ZNF337: variants seen among roughly 807,000 people sequenced by gnomAD.
ZNF337 encodes zinc finger protein 337.
In ZNF337, 8 loss-of-function variants were observed where a neutral mutation model predicts 12.1. That is an observed-to-expected ratio of 0.66 (90% CI 0.39 to 1.19). The LOEUF (loss-of-function observed/expected upper bound fraction) is 1.19, where lower values mean the gene tolerates loss of function less well. ZNF337 is among the 50% of genes most tolerant of loss of function. The pLI is 0.01. For synonymous variants in ZNF337, 336 were observed against 320.0 expected (o/e 1.05, Z -0.53); for missense variants, 882 against 896.6 (o/e 0.98, Z 0.21).
chr20:25,675,771 T>TG lies in ZNF337; in HGVS notation c.1516dup (p.His506ProfsTer8). ...TTTCTCACCCAAGTGTGCCCTCAGG[T>TG]GCTTGTTATAGGAGGACTTATCCCG... On this transcript the variant is annotated frameshift_variant, in exon 5 of 5. Transcript: ENST00000252979. LOFTEE classifies it low-confidence loss of function (END_TRUNC). The TG allele has an allele frequency of 1.9e-6, 3 of 1,614,062 alleles. No homozygotes were observed. Among genetic ancestry groups the TG allele is most frequent in the Non-Finnish European group, 2.5e-6 (3 of 1,180,010 alleles).
chr20:25,693,751 G>A (rs2065899269), intron 1 of ZNF337, among the ~76,000 whole-genome samples: 1 of 152,136 alleles, frequency 6.6e-6, no homozygotes. Context: ...CATGGTTTAG[G>A]GCAGAGAAGG....
intron 1 of ZNF337, among the ~76,000 whole-genome samples, chr20:25,690,054 T>G (rs981028171): frequency 1.3e-5 from 2 of 152,160 alleles, no homozygotes; most frequent in Admixed American, 6.5e-5. Flanking sequence ...GGGAGGCTGA[T>G]GCATGTGGAT....
At chr20:25,685,466 G>A (rs2065819681) in intron 4 of ZNF337, 101 bp downstream of exon 4, 3 of 933,884 alleles carry the variant, frequency 3.2e-6, no homozygotes, top group Non-Finnish European at 5.0e-6. Context: ...GAGCAGCCAA[G>A]GAGGCCAGAA....
intron 4 of ZNF337, among the ~76,000 whole-genome samples, chr20:25,684,041 AT>A (rs2065798051): frequency 6.6e-6 from 1 of 152,078 alleles, no homozygotes; most frequent in Non-Finnish European, 1.5e-5. Context: ...TGATGGGTTC[AT>A]GTCCTTTACA....
At chr20:25,683,525 A>C (rs531152854) in intron 4 of ZNF337, among the ~76,000 whole-genome samples, 19 of 148,346 alleles carry the variant, frequency 1.3e-4, no homozygotes, top group East Asian at 5.8e-4. Flanking sequence ...AAAAAAAAAA[A>C]CCCCATCAAA....
In ZNF337 at chr20:25,685,665, GCTCA is replaced by G; in HGVS notation, c.155-7_155-4del. 6.2e-7 allele frequency: 1 copy of G among 1,613,216 alleles called. No homozygotes were observed. The highest frequency in any genetic ancestry group is 8.5e-7 in the Non-Finnish European group (1 of 1,179,644). Reference sequence around the variant, plus strand: ...TTCTGGTTTAGAATGGAGAATTCCTGCTCACAGGGAAAAAAACCATGAGGTGACT... The same window carrying G: ...TTCTGGTTTAGAATGGAGAATTCCTGCAGGGAAAAAAACCATGAGGTGACT... On this transcript the variant is annotated splice_region_variant and splice_polypyrimidine_tract_variant and intron_variant, in intron 3 of 4. Coordinates refer to ENST00000252979, the MANE Select transcript of ZNF337 (RefSeq NM_015655.4).
chr20:25,686,253 G>A (rs2065832201), intron 2 of ZNF337, 131 bp from the exon 3 acceptor site: 5 of 1,508,328 alleles, frequency 3.3e-6, no homozygotes, highest in South Asian at 1.2e-5. Context: ...TCACCTGCTG[G>A]AGGACGCCAG....
At position 25,673,333 on chromosome 20, in the gene ZNF337, T is replaced by C. The variant is rs1018162285; in HGVS notation, c.*1699A>G. On this transcript the variant is annotated 3_prime_UTR_variant, in exon 5 of 5. Transcript: ENST00000252979. ...ATCACAAATACCATTTACAAAAGGA[T>C]AGGCATATTGCATGTATCTTCCCTG... Among the ~76,000 whole-genome samples the C allele has an allele frequency of 1.3e-5, 2 of 152,228 alleles. No individual in the cohort carries two copies. Among genetic ancestry groups the C allele is most frequent in the African/African-American group, 4.8e-5 (2 of 41,456 alleles).
chr20:25,677,245 T>C (rs568879053), intron 4 of ZNF337: 45 of 504,484 alleles, frequency 8.9e-5, no homozygotes, highest in African/African-American at 8.3e-4. Flanking sequence ...ATTATCCTGA[T>C]ACCAAAACCA....
intron 4 of ZNF337, among the ~76,000 whole-genome samples, chr20:25,678,959 A>C (rs1227286350): frequency 6.6e-6 from 1 of 151,928 alleles, no homozygotes; most frequent in Non-Finnish European, 1.5e-5. Context: ...CAAAAACAAA[A>C]ATGAAATACA....
chr20:25,685,042 A>G (rs2065812528), intron 4 of ZNF337, among the ~76,000 whole-genome samples: 1 of 151,876 alleles, frequency 6.6e-6, no homozygotes, highest in South Asian at 2.1e-4. Context: ...GAGTTGATGG[A>G]TGTAGCAAAC....
chr20:25,684,495 G>A (rs2065804614), intron 4 of ZNF337, among the ~76,000 whole-genome samples: 1 of 152,150 alleles, frequency 6.6e-6, no homozygotes. Context: ...GAGAGGATGT[G>A]GAGAAATAGG....
rs201514609 is a variant in ZNF337 at position 25,676,249 on chromosome 20, G to A, written c.1039C>T (p.Pro347Ser). 6 of 1,613,686 alleles carry A rather than the reference G, an allele frequency of 3.7e-6. No individual in the cohort carries two copies. The highest frequency in any genetic ancestry group is 5.1e-6 in the Non-Finnish European group (6 of 1,179,910). ...VHKRIHSGEK[P>S]YRCQECGRGF... ...CGGCCACACTCCTGGCATCTGTAAG[G>A]CTTCTCTCCTGAGTGTATTCTCTTG... The change falls in exon 5 of 5, where the codon CCT becomes TCT. Residue 347 changes from proline to serine, a missense_variant. Coordinates refer to ENST00000252979, the MANE Select transcript of ZNF337 (RefSeq NM_015655.4).
intron 4 of ZNF337, among the ~76,000 whole-genome samples, chr20:25,679,460 G>A (rs2065744176): frequency 1.3e-5 from 2 of 151,908 alleles, no homozygotes; most frequent in Admixed American, 1.3e-4. Flanking sequence ...TATACAAGAA[G>A]TCAAAAAACA....
At chr20:25,681,399 C>T (rs1214672111) in intron 4 of ZNF337, among the ~76,000 whole-genome samples, 1 of 152,082 alleles carries the variant, frequency 6.6e-6, no homozygotes, top group African/African-American at 2.4e-5. Context: ...TCAGTGGATG[C>T]CCCCACATTT....
In ZNF337 at chr20:25,677,001, A is replaced by G; in HGVS notation, c.287T>C (p.Leu96Pro). ...CTGTTGCCTCTGATGTGCAAGTCCA[A>G]GATTCTTGGGCCGCAGGACATGTTC... is the stretch of plus-strand genomic sequence containing the variant. The part of the protein sequence containing the change: ...YAEHVLRPKN[L>P]GLAHQRQQQL... Residue 96 changes from leucine to proline, a missense_variant, in exon 5 of 5, where the codon CTT (leucine) becomes CCT (proline). Leu to Pro is a moderately conservative substitution (Grantham distance 98). Coordinates refer to ENST00000252979, the MANE Select transcript of ZNF337 (RefSeq NM_015655.4). The G allele has an allele frequency of 6.2e-7, 1 of 1,613,524 alleles. No homozygotes were observed. The highest frequency in any genetic ancestry group is 8.5e-7 in the Non-Finnish European group (1 of 1,179,800).
At position 25,686,087 on chromosome 20, in the gene ZNF337, G is replaced by A. The variant is rs760672108; in HGVS notation, c.63C>T (p.Phe21=). ...TCAGCAGCCTCCATTCCTTCTGGGT[G>A]AAATCCACAGTGACATCCCCAAATG... ...FLAFGDVTVD[F]TQKEWRLLSP... is the part of the protein sequence containing the mutation. Residue 21 remains phenylalanine (F), a synonymous_variant, in exon 3 of 5, where the codon TTC becomes TTT. Transcript: ENST00000252979. 6.2e-7 allele frequency: 1 copy of A among 1,614,102 alleles called. No individual in the cohort carries two copies. Among genetic ancestry groups the A allele is most frequent in the Non-Finnish European group, 8.5e-7 (1 of 1,180,006 alleles).
intron 1 of ZNF337, among the ~76,000 whole-genome samples, chr20:25,696,186 G>C (rs1045125310): frequency 6.6e-6 from 1 of 151,414 alleles, no homozygotes; most frequent in African/African-American, 2.4e-5. Context: ...CCAAGGCGGG[G>C]TGCTCCCAAC....
At chr20:25,682,848 ACTTT>A (rs2065783702) in intron 4 of ZNF337, among the ~76,000 whole-genome samples, 2 of 151,782 alleles carry the variant, frequency 1.3e-5, no homozygotes, top group African/African-American at 4.9e-5. Flanking sequence ...AAAAAAAAAA[ACTTT>A]ATATCTTTAA....
Sources: gnomAD v4.1 joint callset for allele counts (sites outside exome capture counted in the v4.1 genomes callset) on GRCh38, gnomAD v4.1.1 for gene constraint, MANE v1.5 for transcripts, NCBI Gene and HGNC (gene_info 2026-07-23, HGNC 2026-07-21) for gene names.